The following SPEN variants were observed in gnomAD, a reference collection of about 807,000 sequenced individuals.
SPEN encodes the protein spen family transcriptional repressor, also known as msx2-interacting protein.
In SPEN, 18 loss-of-function variants were observed where a neutral mutation model predicts 269.9. That is an observed-to-expected ratio of 0.07 (90% CI 0.05 to 0.10). SPEN has a LOEUF of 0.10. Ranked by LOEUF, SPEN falls within the 10% of genes least tolerant of loss-of-function variation. The pLI, the probability that SPEN is intolerant of heterozygous loss-of-function variation, is 1.00. For synonymous variants in SPEN, 1,726 were observed against 1,765.7 expected (o/e 0.98, Z 0.56); for missense variants, 3,822 against 4,631.2 (o/e 0.83, Z 5.07).
In SPEN at chr1:15,928,513, G is replaced by A. The variant is rs753511718; in HGVS notation, c.2273G>A (p.Arg758Gln). 6 of 1,613,980 alleles carry A rather than the reference G, an allele frequency of 3.7e-6. No homozygotes were observed. In the African/African-American group the frequency reaches 4.0e-5, roughly 11 times the overall value. ...GATTCTGAGAGGAGGCTTTACAGCC[G>A]ATCCTCAGACCGGAGTGGAAGCTGT... ...PSDSERRLYSRSSDRSGSCSS... is the reference protein window; with the variant it reads ...PSDSERRLYSQSSDRSGSCSS... Residue 758 changes from arginine (R) to glutamine (Q), a missense_variant, in exon 11 of 15, where the codon CGA (arginine) becomes CAA (glutamine). Physicochemically the swap from Arg to Gln is conservative, Grantham distance 43 (BLOSUM62 1). Transcript: ENST00000375759. The surrounding 1 kb of genome is among the most constrained non-coding windows in gnomAD (Gnocchi z 5.7).
chr1:15,933,654 C>G lies in SPEN; in HGVS notation c.7414C>G (p.Leu2472Val), dbSNP rs765569202. 1 of 1,614,172 alleles carries G rather than the reference C, an allele frequency of 6.2e-7. No individual in the cohort carries two copies. The highest frequency in any genetic ancestry group is 2.2e-5 in the East Asian group (1 of 44,876). ...CGATCCAAGCATCCCCATACCCACA[C>G]TGCCTTCTGTAACTGCAGCAAAGCT... ...PSDPSIPIPT[L>V]PSVTAAKLSP... is the part of the protein sequence containing the mutation. The change falls in exon 11 of 15, where the codon CTG becomes GTG. Residue 2472 changes from leucine (L) to valine (V), a missense_variant. Around this residue, in one of 16 missense-constraint regions of SPEN, gnomAD observed 727 missense variants for 737.9 expected, o/e 0.99. Coordinates refer to ENST00000375759, the MANE Select transcript of SPEN (RefSeq NM_015001.3). The surrounding 1 kb of genome is among the most constrained non-coding windows in gnomAD (Gnocchi z 5.7).
At chr1:15,906,773 C>CTTTTTTTTTTTTTTTT (rs1229092780) in intron 3 of SPEN, among the ~76,000 whole-genome samples, 1 of 96,508 alleles carries the variant, frequency 1.0e-5, no homozygotes, top group Non-Finnish European at 2.0e-5. Flanking sequence ...ATGTTTTCAT[C>CTTTTTTTTTTTTTTTT]TTTTTTTTTT....
chr1:15,869,517 AG>A (rs1272536631), intron 1 of SPEN, among the ~76,000 whole-genome samples: 1 of 152,194 alleles, frequency 6.6e-6, no homozygotes, highest in Non-Finnish European at 1.5e-5. Flanking sequence ...TGAGTTCAAA[AG>A]AGGAATGATT....
At chr1:15,912,909 A>T (rs2071024167) in intron 5 of SPEN, among the ~76,000 whole-genome samples, 1 of 152,224 alleles carries the variant, frequency 6.6e-6, no homozygotes, top group African/African-American at 2.4e-5. Flanking sequence ...TGGTAGGGCT[A>T]GCTTGAGATT....
chr1:15,938,156 T>A (rs1175681349), intron 13 of SPEN, 150 bp downstream of exon 13: 2 of 752,948 alleles, frequency 2.7e-6, no homozygotes, highest in Non-Finnish European at 4.2e-6. Flanking sequence ...TGGGCTGGAG[T>A]GCAGCGGTGC....
chr1:15,891,687 G>A (rs1036285125), intron 3 of SPEN, among the ~76,000 whole-genome samples: 2 of 151,926 alleles, frequency 1.3e-5, no homozygotes, highest in East Asian at 1.9e-4. Context: ...ATAGGGTCTC[G>A]CTATGTTGCC....
intron 3 of SPEN, among the ~76,000 whole-genome samples, chr1:15,894,189 T>G (rs983610807): frequency 2.6e-5 from 4 of 152,194 alleles, no homozygotes; most frequent in African/African-American, 9.6e-5. Context: ...AATATCAGAT[T>G]CTATATACCG....
chr1:15,912,126 A>G (rs1050381798), intron 5 of SPEN, among the ~76,000 whole-genome samples: 2 of 152,212 alleles, frequency 1.3e-5, no homozygotes, highest in African/African-American at 2.4e-5. Context: ...GGTGCAACCC[A>G]CTGAGAATTT....
Position 15,937,257 on chromosome 1 carries a change from T to G in SPEN, c.10121T>G (p.Leu3374Arg). ...GCACCACCCTGCCCGCCCTCCCAGC[T>G]CGGTCAGCCCGGCCAGCCACCAAGC... is the stretch of plus-strand genomic sequence containing the variant. The part of the protein sequence containing the change: ...QPAPPCPPSQ[L>R]GQPGQPPSSK... The change falls in exon 12 of 15, where the codon CTC becomes CGC. Residue 3374 changes from leucine (L) to arginine (R), a missense_variant. Physicochemically the swap from Leu to Arg is moderately radical, Grantham distance 102. Coordinates refer to ENST00000375759, the MANE Select transcript of SPEN (RefSeq NM_015001.3). This position sits in a 1 kb window ranked among gnomAD's most constrained non-coding sequence, Gnocchi z 5.7. The G allele has an allele frequency of 6.2e-7, 1 of 1,613,186 alleles. No individual in the cohort carries two copies. Among genetic ancestry groups the G allele is most frequent in the Non-Finnish European group, 8.5e-7 (1 of 1,179,886 alleles).
chr1:15,865,986 G>A (rs1249585899), intron 1 of SPEN, among the ~76,000 whole-genome samples: 1 of 151,394 alleles, frequency 6.6e-6, no homozygotes, highest in African/African-American at 2.4e-5. Context: ...TTCAGGAGTT[G>A]TAATTTTTAT....
chr1:15,918,890 G>T, intron 6 of SPEN, 36 bp from the exon 7 acceptor site: 1 of 1,558,018 alleles, frequency 6.4e-7, no homozygotes, highest in South Asian at 1.2e-5. Flanking sequence ...TATTTTCTTG[G>T]GCATATTGCT....
chr1:15,912,871 C>T (rs2071023846), intron 5 of SPEN, among the ~76,000 whole-genome samples: 1 of 152,154 alleles, frequency 6.6e-6, no homozygotes, highest in South Asian at 2.1e-4. Flanking sequence ...CATCCAGGGG[C>T]ATTCAGTATG....
intron 3 of SPEN, among the ~76,000 whole-genome samples, chr1:15,897,282 G>C (rs930898570): frequency 1.3e-5 from 2 of 151,978 alleles, no homozygotes; most frequent in African/African-American, 4.8e-5. Context: ...CTCCACTTCT[G>C]GGTTCAAGCG....
In SPEN at chr1:15,920,894, A is replaced by G; in HGVS notation, c.1660A>G (p.Met554Val). 1 of 1,611,088 alleles carries G rather than the reference A, an allele frequency of 6.2e-7. No individual in the cohort carries two copies. The highest frequency in any genetic ancestry group is 8.5e-7 in the Non-Finnish European group (1 of 1,178,990). The change falls in exon 9 of 15, where the codon ATG becomes GTG. Residue 554 changes from methionine to valine, a missense_variant. Met to Val is a conservative substitution (Grantham distance 21, BLOSUM62 1). Transcript: ENST00000375759. ...VKVVFDRLKG[M>V]ALVLYNEIEY... ...GGTGGTGTTTGACCGCTTAAAAGGC[A>G]TGGCCCTGGTTCTCTACAATGAAAT... is the stretch of plus-strand genomic sequence containing the variant.
chr1:15,892,642 AAATGCCT>A (rs2148719732), intron 3 of SPEN, among the ~76,000 whole-genome samples: 1 of 152,276 alleles, frequency 6.6e-6, no homozygotes, highest in East Asian at 1.9e-4. Flanking sequence ...GGTCAGGCTA[AAATGCCT>A]GTTTCCAGGG....
chr1:15,909,200 A>G, intron 3 of SPEN, 121 bp from the exon 4 acceptor site: 1 of 1,013,662 alleles, frequency 9.9e-7, no homozygotes, highest in East Asian at 2.4e-5. Flanking sequence ...TGTAGAATGC[A>G]GGGCCTCCAG....
rs760319148 is a variant in SPEN at position 15,934,831 on chromosome 1, C to T, written c.8591C>T (p.Ser2864Leu). The T allele has an allele frequency of 2.2e-5, 36 of 1,614,198 alleles. No homozygotes were observed. Among genetic ancestry groups the T allele is most frequent in the Non-Finnish European group, 2.7e-5 (32 of 1,180,030 alleles). The part of the protein sequence containing the change: ...SQVKPDSVTA[S>L]QPPSKGPQAP... Reference sequence around the variant, plus strand: ...GTCAAACCTGATTCTGTCACAGCATCGCAGCCTCCATCCAAAGGCCCTCAA... The same window carrying T: ...GTCAAACCTGATTCTGTCACAGCATTGCAGCCTCCATCCAAAGGCCCTCAA... Residue 2864 changes from serine (S) to leucine (L), a missense_variant, in exon 11 of 15, where the codon TCG becomes TTG. Physicochemically the swap from Ser to Leu is moderately radical, Grantham distance 145. Around this residue, in one of 16 missense-constraint regions of SPEN, gnomAD observed 329 missense variants for 431.2 expected, o/e 0.76. Coordinates refer to ENST00000375759, the MANE Select transcript of SPEN (RefSeq NM_015001.3). The surrounding 1 kb of genome is among the most constrained non-coding windows in gnomAD (Gnocchi z 9.2).
rs1227371467 is a variant in SPEN, at chr1:15,939,107, A to AG, written c.10864-184dup. Among the ~76,000 whole-genome samples, 4 of 152,196 alleles carry AG rather than the reference A, an allele frequency of 2.6e-5. No homozygotes were observed. The highest frequency in any genetic ancestry group is 6.5e-5 in the Admixed American group (1 of 15,282). ...TCCATGAGTTTAAAGATAGGGCCCC[A>AG]GGGGGTTCCTGTTTATAGTTTTCTG... is the stretch of plus-strand genomic sequence containing the variant. On this transcript the variant is annotated intron_variant, in intron 14 of 14. Transcript: ENST00000375759. The surrounding 1 kb of genome is among the most constrained non-coding windows in gnomAD (Gnocchi z 4.1).
intron 1 of SPEN, among the ~76,000 whole-genome samples, chr1:15,872,376 A>G (rs539488931): frequency 6.6e-6 from 1 of 152,174 alleles, no homozygotes; most frequent in African/African-American, 2.4e-5. Flanking sequence ...GCGGATCACG[A>G]GGTCAGGAGA....
Sources: allele counts gnomAD v4.1 joint callset (sites outside exome capture counted in the v4.1 genomes callset), GRCh38; gene constraint gnomAD v4.1.1; regional missense constraint gnomAD v4.1.1; non-coding constraint Gnocchi (gnomAD v3.1); transcripts MANE v1.5; gene names NCBI Gene and HGNC (gene_info 2026-07-23, HGNC 2026-07-21).